Variants in SYNPR observed in about 807,000 individuals in gnomAD.
SYNPR encodes the protein synaptoporin.
A neutral mutation model predicts 32.9 loss-of-function variants in SYNPR; 23 were observed. The observed-to-expected ratio is 0.70, with a 90% CI of 0.50 to 0.99. SYNPR has a LOEUF of 0.99. Among genes scored for constraint, SYNPR ranks in the 50% least tolerant of loss-of-function variants. The probability of loss-of-function intolerance (pLI) is 0.00; values close to 1 mark genes in which losing one functional copy is unlikely to be tolerated. For missense variants in SYNPR, 318 were observed against 349.3 expected (o/e 0.91, Z 0.71); for synonymous variants, 146 against 135.9 (o/e 1.07, Z -0.52).
Position 63,480,838 on chromosome 3 carries a change from G to C in SYNPR, c.91G>C (p.Ala31Pro), listed in dbSNP as rs1404913745. Reference protein sequence around the residue: ...AFLRALELLFAIFAFATCGGY... With the variant: ...AFLRALELLFPIFAFATCGGY... ...GTTTAATTGTTCTCCACAGCTTTTT[G>C]CAATCTTTGCATTTGCAACATGCGG... The change falls in exon 3 of 6, where the codon GCA (alanine) becomes CCA (proline). Residue 31 changes from alanine to proline, a missense_variant. Physicochemically the swap from Ala to Pro is conservative, Grantham distance 27 (BLOSUM62 -1). Transcript: ENST00000478300. 6.2e-7 allele frequency: 1 copy of C among 1,612,310 alleles called. No homozygotes were observed. Among genetic ancestry groups the C allele is most frequent in the Non-Finnish European group, 8.5e-7 (1 of 1,179,090 alleles).
At chr3:63,592,522 C>T (rs13065508) in intron 4 of SYNPR, among the ~76,000 whole-genome samples, 12,422 of 151,774 alleles carry the variant, frequency 0.082, 673 homozygotes, top group Middle Eastern at 0.12. Flanking sequence ...AAGGGAGAAA[C>T]TAAGTTAAGT....
chr3:63,430,330 T>C (rs574351343), intron 2 of SYNPR, among the ~76,000 whole-genome samples: 8 of 151,848 alleles, frequency 5.3e-5, no homozygotes, highest in Non-Finnish European at 1.2e-4. Context: ...GTTCATTCCA[T>C]ATTTTCATTC....
chr3:63,610,801 A>G lies in SYNPR; in HGVS notation c.600+1485A>G, dbSNP rs369734580. On this transcript the variant is annotated intron_variant, in intron 5 of 5. Coordinates refer to ENST00000478300, the MANE Select transcript of SYNPR (RefSeq NM_001130003.2). Reference sequence around the variant, plus strand: ...ATAACTAATCTCCCAATAAATTATGACGTTCTGCATGGTTCTTCTAATTCC... The same window carrying G: ...ATAACTAATCTCCCAATAAATTATGGCGTTCTGCATGGTTCTTCTAATTCC... Among the ~76,000 whole-genome samples, 52 of 152,322 alleles carry G rather than the reference A, an allele frequency of 3.4e-4. 1 individual carries two copies. In the South Asian group the frequency reaches 0.011, roughly 31 times the overall value.
chr3:63,353,608 G>C (rs527600044), intron 2 of SYNPR, among the ~76,000 whole-genome samples: 4 of 152,350 alleles, frequency 2.6e-5, no homozygotes, highest in South Asian at 4.1e-4. Flanking sequence ...GGCAGTCACA[G>C]TCCTGCCTGA....
chr3:63,245,718 T>A (rs201226441), intron 1 of SYNPR, among the ~76,000 whole-genome samples: 28,754 of 98,710 alleles, frequency 0.29, 3,494 homozygotes, highest in Non-Finnish European at 0.34. Context: ...AGAGTGTGTG[T>A]GTGTGTGTGT....
At chr3:63,403,045 G>A (rs1169168727) in intron 2 of SYNPR, among the ~76,000 whole-genome samples, 1 of 152,148 alleles carries the variant, frequency 6.6e-6, no homozygotes, top group East Asian at 1.9e-4. Flanking sequence ...TTAACAGAGA[G>A]AATGTTTATA....
At chr3:63,612,714 G>A (rs879757554) in intron 5 of SYNPR, among the ~76,000 whole-genome samples, 10 of 152,098 alleles carry the variant, frequency 6.6e-5, no homozygotes, top group Admixed American at 2.6e-4. Flanking sequence ...CCTTGTTTAC[G>A]TTCTTACTTT....
chr3:63,316,717 G>T (rs1385639882), intron 2 of SYNPR, among the ~76,000 whole-genome samples: 1 of 150,892 alleles, frequency 6.6e-6, no homozygotes, highest in East Asian at 2.0e-4. Flanking sequence ...TGTATTTTTT[G>T]CTTTCACTTT....
At chr3:63,300,397 A>G (rs962557936) in intron 2 of SYNPR, among the ~76,000 whole-genome samples, 5 of 151,472 alleles carry the variant, frequency 3.3e-5, no homozygotes, top group Non-Finnish European at 7.4e-5. Flanking sequence ...TACTTTGTTT[A>G]AAAGAATGTA....
chr3:63,202,956 C>T, the SYNPR span, among the ~76,000 whole-genome samples: 1 of 150,846 alleles, frequency 6.6e-6, no homozygotes, highest in African/African-American at 2.4e-5. Context: ...AATTTGATTT[C>T]TTTAATCTAT....
chr3:63,572,329 TG>T (rs1702901369), intron 4 of SYNPR, among the ~76,000 whole-genome samples: 1 of 152,142 alleles, frequency 6.6e-6, no homozygotes, highest in Non-Finnish European at 1.5e-5. Context: ...TTCTTCTTTT[TG>T]TATGCTCTCT....
chr3:63,539,455 T>TCTAAATA (rs1553644767), intron 3 of SYNPR, among the ~76,000 whole-genome samples: 2 of 152,206 alleles, frequency 1.3e-5, no homozygotes, highest in Admixed American at 1.3e-4. Context: ...TTCTCTGGTA[T>TCTAAATA]CTAAATACTA....
At chr3:63,401,648 T>C (rs916174245) in intron 2 of SYNPR, among the ~76,000 whole-genome samples, 3 of 152,024 alleles carry the variant, frequency 2.0e-5, no homozygotes, top group Non-Finnish European at 2.9e-5. Context: ...GAAAATGAAC[T>C]ATGGAATCAG....
intron 2 of SYNPR, among the ~76,000 whole-genome samples, chr3:63,379,554 T>C (rs2087939782): frequency 6.6e-6 from 1 of 152,172 alleles, no homozygotes; most frequent in South Asian, 2.1e-4. Flanking sequence ...GATTAAACTC[T>C]TTGGCCTTAC....
At chr3:63,268,236 G>A (rs984417763) in intron 3 of SYNPR, among the ~76,000 whole-genome samples, 4 of 152,214 alleles carry the variant, frequency 2.6e-5, no homozygotes, top group Admixed American at 1.3e-4. Context: ...AAATCATTAG[G>A]TTATGTTGTG....
intron 2 of SYNPR, among the ~76,000 whole-genome samples, chr3:63,330,753 A>G (rs2087218909): frequency 6.6e-6 from 1 of 152,168 alleles, no homozygotes; most frequent in South Asian, 2.1e-4. Context: ...TGTTTTACAG[A>G]TAAGAAAGTT....
At chr3:63,475,138 C>G (rs779941245) in intron 2 of SYNPR, among the ~76,000 whole-genome samples, 1 of 152,130 alleles carries the variant, frequency 6.6e-6, no homozygotes, top group Non-Finnish European at 1.5e-5. Context: ...CTAGAAAACA[C>G]AGGACAATTT....
At chr3:63,206,495 A>C in the SYNPR span, among the ~76,000 whole-genome samples, 1 of 152,090 alleles carries the variant, frequency 6.6e-6, no homozygotes. Context: ...CAGGAGGCGG[A>C]GGTTGCAGTG....
intron 2 of SYNPR, chr3:63,445,650 C>T (rs1227939099): frequency 5.2e-5 from 32 of 614,960 alleles, no homozygotes; most frequent in Non-Finnish European, 5.5e-5. Flanking sequence ...TTGACAAGCA[C>T]TCTATGAGGG....
Sources: gnomAD v4.1 joint callset for allele counts (sites outside exome capture counted in the v4.1 genomes callset) on GRCh38, gnomAD v4.1.1 for gene constraint, MANE v1.5 for transcripts, NCBI Gene and HGNC (gene_info 2026-07-23, HGNC 2026-07-21) for gene names.